VOPP1: variants seen among roughly 807,000 people sequenced by gnomAD.
VOPP1 encodes WW domain binding protein VOPP1.
In VOPP1, 8 loss-of-function variants were observed where a neutral mutation model predicts 23.5. The ratio of observed to expected loss-of-function variants is 0.34; its 90% CI spans 0.20 to 0.61. The LOEUF (loss-of-function observed/expected upper bound fraction) is 0.61, where lower values mean the gene tolerates loss of function less well. Ranked by LOEUF, VOPP1 falls within the 20% of genes least tolerant of loss-of-function variation. The pLI is 0.78. For synonymous variants in VOPP1, 83 were observed against 97.3 expected (o/e 0.85, Z 0.86); for missense variants, 174 against 238.1 (o/e 0.73, Z 1.77).
chr7:55,523,888 T>A (rs1394704656), intron 1 of VOPP1, among the ~76,000 whole-genome samples: 1 of 152,232 alleles, frequency 6.6e-6, no homozygotes, highest in Non-Finnish European at 1.5e-5. Flanking sequence ...TCTGAGTATA[T>A]CTTTTTATGT....
chr7:55,454,254 G>C (rs1285128492), intron 4 of VOPP1, among the ~76,000 whole-genome samples: 1 of 152,022 alleles, frequency 6.6e-6, no homozygotes, highest in Non-Finnish European at 1.5e-5. Context: ...ACCAGAAAGA[G>C]GTCAAATCCC....
At chr7:55,437,572 C>T (rs1216471204) in intron 4 of VOPP1, among the ~76,000 whole-genome samples, 1 of 152,126 alleles carries the variant, frequency 6.6e-6, no homozygotes, top group Non-Finnish European at 1.5e-5. Context: ...GATAATAGGC[C>T]TAGTCCTGGT....
chr7:55,552,183 G>A (rs551101441), intron 1 of VOPP1, among the ~76,000 whole-genome samples: 1 of 152,322 alleles, frequency 6.6e-6, no homozygotes, highest in African/African-American at 2.4e-5. Context: ...TTATTAACAT[G>A]CACTGCATGG....
chr7:55,443,202 G>T (rs561754661), intron 4 of VOPP1, among the ~76,000 whole-genome samples: 7 of 152,240 alleles, frequency 4.6e-5, no homozygotes, highest in Admixed American at 4.6e-4. Flanking sequence ...GGTTCAAAAA[G>T]ATATAGAAAT....
chr7:55,462,343 G>A (rs1050610723), intron 4 of VOPP1, among the ~76,000 whole-genome samples: 3 of 152,068 alleles, frequency 2.0e-5, no homozygotes, highest in Non-Finnish European at 4.4e-5. Flanking sequence ...AGACTTTTTC[G>A]GGTTCAATCT....
chr7:55,521,248 G>A, intron 1 of VOPP1, 118 bp from the exon 2 acceptor site: 4 of 1,051,694 alleles, frequency 3.8e-6, no homozygotes, highest in Non-Finnish European at 5.6e-6. Flanking sequence ...GAAAAGCTGG[G>A]ATATCGGGGC....
intron 1 of VOPP1, among the ~76,000 whole-genome samples, chr7:55,534,991 A>G: frequency 6.6e-6 from 1 of 152,240 alleles, no homozygotes; most frequent in East Asian, 1.9e-4. Context: ...GAAGAGGAGA[A>G]CAGGAAGACA....
At chr7:55,539,775 T>C (rs7798107) in intron 1 of VOPP1, 89,657 of 152,056 alleles carry the variant, frequency 0.59, 28,437 homozygotes, top group Admixed American at 0.69. Flanking sequence ...GCTCAGTAAG[T>C]GGTTGCTGAA....
At chr7:55,484,469 C>G (rs1340400844) in intron 4 of VOPP1, among the ~76,000 whole-genome samples, 3 of 152,102 alleles carry the variant, frequency 2.0e-5, no homozygotes, top group Admixed American at 1.3e-4. Flanking sequence ...GCAGTGCAGG[C>G]TGGAGCTGCT....
At chr7:55,445,723 A>G (rs1055824000) in intron 4 of VOPP1, among the ~76,000 whole-genome samples, 1 of 152,140 alleles carries the variant, frequency 6.6e-6, no homozygotes, top group African/African-American at 2.4e-5. Context: ...CCCACTTCCT[A>G]TAAACAGGAA....
In VOPP1 at chr7:55,436,617, A is replaced by AGT. The variant is rs764332148; in HGVS notation, n.418-445_418-444dup. On this transcript the variant is annotated intron_variant and non_coding_transcript_variant, in intron 4 of 4. Transcript: ENST00000462326. ...AATTGTGCATGAGTGTGTGTGCATG[A>AGT]GTGTGTGTGTGTGCGTGTGTGTGCG... is the stretch of plus-strand genomic sequence containing the variant. 5.0e-3 allele frequency among the ~76,000 whole-genome samples: 734 copies of AGT among 146,540 alleles called. 3 individuals are homozygous for AGT. The highest frequency in any genetic ancestry group is 0.021 in the Middle Eastern group (6 of 292).
intron 1 of VOPP1, among the ~76,000 whole-genome samples, chr7:55,553,583 A>T (rs748248800): frequency 3.3e-5 from 5 of 152,048 alleles, no homozygotes; most frequent in Non-Finnish European, 7.4e-5. Flanking sequence ...AAAAGTAAAT[A>T]CTTTTCTCAA....
chr7:55,502,741 G>A (rs1794454546), intron 2 of VOPP1, among the ~76,000 whole-genome samples: 1 of 152,200 alleles, frequency 6.6e-6, no homozygotes, highest in Admixed American at 6.5e-5. Flanking sequence ...GCCTATCATG[G>A]ATGCATCAAG....
chr7:55,497,700 G>C lies in VOPP1; in HGVS notation c.114-10C>G, dbSNP rs1164451208. The C allele has an allele frequency of 6.2e-7, 1 of 1,613,800 alleles. No homozygotes were observed. The highest frequency in any genetic ancestry group is 1.3e-5 in the African/African-American group (1 of 75,044). ...CTCGTAGGAGCGGCATCTGTGGAGAGAGGCACAGGCTGGTCAGCACTGAAT... is the reference window on the plus strand; with the variant it reads ...CTCGTAGGAGCGGCATCTGTGGAGACAGGCACAGGCTGGTCAGCACTGAAT... On this transcript the variant is annotated splice_polypyrimidine_tract_variant and intron_variant, in intron 2 of 4. Coordinates refer to ENST00000285279, the MANE Select transcript of VOPP1 (RefSeq NM_030796.5).
At chr7:55,509,146 G>C (rs6977745) in intron 2 of VOPP1, among the ~76,000 whole-genome samples, 45,850 of 152,110 alleles carry the variant, frequency 0.3, 7,507 homozygotes, top group Non-Finnish European at 0.38. Flanking sequence ...ATGAGATCAG[G>C]AAGGGAGATG....
chr7:55,541,441 A>G (rs891728411), intron 1 of VOPP1, among the ~76,000 whole-genome samples: 1 of 152,256 alleles, frequency 6.6e-6, no homozygotes, highest in African/African-American at 2.4e-5. Flanking sequence ...TAATATGACT[A>G]TAATAAAAAA....
intron 1 of VOPP1, among the ~76,000 whole-genome samples, chr7:55,569,149 G>C (rs1238793087): frequency 6.6e-6 from 1 of 152,224 alleles, no homozygotes; most frequent in East Asian, 1.9e-4. Context: ...AGAAAGGTCA[G>C]TCCAGTAATG....
At chr7:55,564,264 TC>T (rs1273178082) in intron 1 of VOPP1, among the ~76,000 whole-genome samples, 9 of 151,050 alleles carry the variant, frequency 6.0e-5, no homozygotes, top group African/African-American at 2.0e-4. Flanking sequence ...TCTCTCTCTC[TC>T]TCGCTCGCTT....
intron 4 of VOPP1, among the ~76,000 whole-genome samples, chr7:55,476,201 T>C (rs888576789): frequency 2.6e-5 from 4 of 152,180 alleles, no homozygotes; most frequent in African/African-American, 9.7e-5. Flanking sequence ...GCTGGAGTCA[T>C]TTTACTTTGA....
Sources: gnomAD v4.1 joint callset for allele counts (sites outside exome capture counted in the v4.1 genomes callset) on GRCh38, gnomAD v4.1.1 for gene constraint, MANE v1.5 for transcripts, NCBI Gene and HGNC (gene_info 2026-07-23, HGNC 2026-07-21) for gene names.